Variants in MKI67 observed in about 807,000 individuals in gnomAD.
MKI67 encodes the protein marker of proliferation Ki-67.
Under a neutral mutation model 233.5 loss-of-function variants are expected in MKI67, and 152 were observed. The ratio of observed to expected loss-of-function variants is 0.65; its 90% CI spans 0.57 to 0.74. The LOEUF is 0.74. Ranked by LOEUF, MKI67 falls within the 30% of genes least tolerant of loss-of-function variation. The pLI, the probability that MKI67 is intolerant of heterozygous loss-of-function variation, is 0.00. For missense variants in MKI67, 3,940 were observed against 3,885.2 expected, an observed-to-expected ratio of 1.01 and a Z score of -0.37; for synonymous variants, 1,465 against 1,418.5, an observed-to-expected ratio of 1.03 and a Z score of -0.74.
Position 128,103,652 on chromosome 10 carries a change from T to C in MKI67, c.8188A>G (p.Lys2730Glu). 6.2e-7 allele frequency: 1 copy of C among 1,614,190 alleles called. No individual in the cohort carries two copies. Among genetic ancestry groups the C allele is most frequent in the Non-Finnish European group, 8.5e-7 (1 of 1,180,028 alleles). The change falls in exon 13 of 15, where the codon AAG (lysine) becomes GAG (glutamate). Residue 2730 changes from lysine (K) to glutamate (E), a missense_variant. Lys to Glu is a moderately conservative substitution (Grantham distance 56, BLOSUM62 1). Transcript: ENST00000368654. ...GAAGGCTCTTCTTTTACTTGTACCT[T>C]CTGCACACGTGTCCTGAGATGCCTC... is the stretch of plus-strand genomic sequence containing the variant. Reference protein sequence around the residue: ...TKRHLRTRVQKVQVKEEPSAV... With the variant: ...TKRHLRTRVQEVQVKEEPSAV...
Position 128,108,980 on chromosome 10 carries a change from A to C in MKI67, c.2860T>G (p.Trp954Gly). The C allele has an allele frequency of 6.2e-7, 1 of 1,614,126 alleles. No homozygotes were observed. The highest frequency in any genetic ancestry group is 8.5e-7 in the Non-Finnish European group (1 of 1,180,032). The change falls in exon 13 of 15, where the codon TGG (tryptophan) becomes GGG (glycine). Residue 954 changes from tryptophan (W) to glycine (G), a missense_variant. Coordinates refer to ENST00000368654, the MANE Select transcript of MKI67 (RefSeq NM_002417.5). ...KMKAMKRSRT[W>G]GQKCAPMSDL... is the part of the protein sequence containing the mutation. ...GACATTGGTGCACATTTCTGCCCCC[A>C]AGTTCTTGATCTCTTCATTGCTTTC...
Position 128,115,758 on chromosome 10 carries a change from T to C in MKI67, c.650A>G (p.Glu217Gly), listed in dbSNP as rs759658537. 1 of 1,613,432 alleles carries C rather than the reference T, an allele frequency of 6.2e-7. No homozygotes were observed. The highest frequency in any genetic ancestry group is 1.1e-5 in the South Asian group (1 of 91,086). Residue 217 changes from glutamate (E) to glycine (G), a missense_variant, in exon 7 of 15, where the codon GAA becomes GGA. By Grantham distance (98) the Glu-to-Gly change is moderately conservative. Coordinates refer to ENST00000368654, the MANE Select transcript of MKI67 (RefSeq NM_002417.5). ...TTGTGTAGTGGGAACAGACTTCAAT[T>C]CTCCATAACGGCTCACTAATTTAAC... ...SSVKLVSRYGELKSVPTTQCL... is the reference protein window; with the variant it reads ...SSVKLVSRYGGLKSVPTTQCL...
At chr10:128,116,105 A>G in intron 6 of MKI67, 98 bp from the exon 7 acceptor site, 1 of 1,396,844 alleles carries the variant, frequency 7.2e-7, no homozygotes, top group Non-Finnish European at 9.6e-7. Context: ...AGGTTGTCTT[A>G]TAAGCTAGCT....
chr10:128,104,220 A>C lies in MKI67; in HGVS notation c.7620T>G (p.Thr2540=). The change falls in exon 13 of 15, where the codon ACT becomes ACG. Residue 2540 remains threonine, a synonymous_variant. Coordinates refer to ENST00000368654, the MANE Select transcript of MKI67 (RefSeq NM_002417.5). The part of the protein sequence containing the change: ...KQILDPAASV[T]GSRRQLRTRK... ...GAGTTCTCAGCTGCCTCCTGCTACCAGTTACACTTGCTGCTGGGTCCAGGA... is the reference window on the plus strand; with the variant it reads ...GAGTTCTCAGCTGCCTCCTGCTACCCGTTACACTTGCTGCTGGGTCCAGGA... 1 of 1,613,998 alleles carries C rather than the reference A, an allele frequency of 6.2e-7. No individual in the cohort carries two copies. Among genetic ancestry groups the C allele is most frequent in the Non-Finnish European group, 8.5e-7 (1 of 1,180,006 alleles).
At position 128,115,291 on chromosome 10, in the gene MKI67, C is replaced by G; in HGVS notation, c.1117G>C (p.Glu373Gln). The change falls in exon 7 of 15, where the codon GAA (glutamate) becomes CAA (glutamine). Residue 373 changes from glutamate to glutamine, a missense_variant. Physicochemically the swap from Glu to Gln is conservative, Grantham distance 29. Transcript: ENST00000368654. ...TCACTTTTACCCAGATTCACAGATT[C>G]TCTTCTACCAGTAGTATACAGGTCT... The part of the protein sequence containing the change: ...NKDLYTTGRR[E>Q]SVNLGKSEGF... The G allele has an allele frequency of 6.2e-7, 1 of 1,614,022 alleles. No homozygotes were observed. Among genetic ancestry groups the G allele is most frequent in the East Asian group, 2.2e-5 (1 of 44,892 alleles).
Position 128,109,181 on chromosome 10 carries a change from G to C in MKI67, c.2659C>G (p.Leu887Val). The change falls in exon 13 of 15, where the codon CTA (leucine) becomes GTA (valine). Residue 887 changes from leucine (L) to valine (V), a missense_variant. Coordinates refer to ENST00000368654, the MANE Select transcript of MKI67 (RefSeq NM_002417.5). The stretch of plus-strand genomic sequence containing the variant: ...TCTTCACTCTTACTTTCCACAGGTA[G>C]CTTCTGTATATTCCTGAACTCTGTA... ...RSTEFRNIQK[L>V]PVESKSEETN... 1 of 1,614,134 alleles carries C rather than the reference G, an allele frequency of 6.2e-7. No individual in the cohort carries two copies. Among genetic ancestry groups the C allele is most frequent in the Non-Finnish European group, 8.5e-7 (1 of 1,180,032 alleles).
Position 128,097,171 on chromosome 10 carries a change from T to C in MKI67, c.*2019A>G, listed in dbSNP as rs1267852651. The C allele has an allele frequency of 6.6e-6, 1 of 152,296 alleles. No homozygotes were observed. Among genetic ancestry groups the C allele is most frequent in the East Asian group, 1.9e-4 (1 of 5,170 alleles). 9.4% of individuals were successfully genotyped at this position (152,296 alleles called of 1,614,324 possible). A position where few individuals can be genotyped will look rare whatever the true frequency, so the allele number is the denominator to read the frequency against. Reference sequence around the variant, plus strand: ...AATGTCCTATTACATGGAAATTCACTTGGAAACTGAAGCTCAGAGAAGTTA... The same window carrying C: ...AATGTCCTATTACATGGAAATTCACCTGGAAACTGAAGCTCAGAGAAGTTA... On this transcript the variant is annotated 3_prime_UTR_variant, in exon 15 of 15. Transcript: ENST00000368654.
chr10:128,123,068 A>C (rs1238311656), intron 3 of MKI67, 23 bp downstream of exon 3: 2 of 1,604,686 alleles, frequency 1.2e-6, no homozygotes, highest in Non-Finnish European at 1.7e-6. Flanking sequence ...CTTTAAAAGT[A>C]GATCTTCAAA....
intron 11 of MKI67, among the ~76,000 whole-genome samples, chr10:128,111,195 G>A (rs893007793): frequency 2.0e-5 from 3 of 152,284 alleles, no homozygotes; most frequent in South Asian, 2.1e-4. Flanking sequence ...TTCAACAATC[G>A]TTTATGGGAA....
rs374849384 is a variant in MKI67 at position 128,104,346 on chromosome 10, G to A, written c.7494C>T (p.Val2498=). Residue 2498 remains valine, a synonymous_variant, in exon 13 of 15, where the codon GTC becomes GTT. Coordinates refer to ENST00000368654, the MANE Select transcript of MKI67 (RefSeq NM_002417.5). ...KVDMKEEPLA[V]SKLTRTSGET... is the part of the protein sequence containing the mutation. Reference sequence around the variant, plus strand: ...CCCCTGATGTCCGTGTGAGCTTGCTGACTGCTAGGGGCTCTTCTTTCATGT... The same window carrying A: ...CCCCTGATGTCCGTGTGAGCTTGCTAACTGCTAGGGGCTCTTCTTTCATGT... 38 of 1,614,078 alleles carry A rather than the reference G, an allele frequency of 2.4e-5. No individual in the cohort carries two copies. In the Middle Eastern group the frequency reaches 4.9e-4, roughly 21 times the overall value.
rs775605474 is a variant in MKI67 at position 128,112,191 on chromosome 10, A to G, written c.1911T>C (p.Asp637=). 1.2e-6 allele frequency: 2 copies of G among 1,614,208 alleles called. No homozygotes were observed. Among genetic ancestry groups the G allele is most frequent in the East Asian group, 4.5e-5 (2 of 44,888 alleles). ...TTTTGGAACATATCATCTGTAAAAT[A>G]TCATGTTGACTTCGGCTGATAGACA... ...KRVSISRSQH[D]ILQMICSKRR... Residue 637 remains aspartate (D), a synonymous_variant, in exon 9 of 15, where the codon GAT becomes GAC. Coordinates refer to ENST00000368654, the MANE Select transcript of MKI67 (RefSeq NM_002417.5).
intron 12 of MKI67, among the ~76,000 whole-genome samples, chr10:128,109,699 G>T (rs180737277): frequency 6.6e-6 from 1 of 152,260 alleles, no homozygotes; most frequent in Admixed American, 6.5e-5. Context: ...TCCTCCAAAG[G>T]TTGCCATGCC....
chr10:128,102,546 G>A lies in MKI67; in HGVS notation c.9261+33C>T, dbSNP rs373560649. 36 of 1,599,146 alleles carry A rather than the reference G, an allele frequency of 2.3e-5. No homozygotes were observed. The African/African-American group carries it at 4.6e-4, about 20-fold the overall frequency. On this transcript the variant is annotated intron_variant, in intron 13 of 14. Coordinates refer to ENST00000368654, the MANE Select transcript of MKI67 (RefSeq NM_002417.5). ...ACAGAAATTCACAACTATCCAAGAC[G>A]ATATTGAGTGATGCTGTAATACTTC...
rs1452302985 is a variant in MKI67 at position 128,113,591 on chromosome 10, C to T, written c.1492G>A (p.Gly498Arg). 6.8e-6 allele frequency: 11 copies of T among 1,613,798 alleles called. No individual in the cohort carries two copies. The highest frequency in any genetic ancestry group is 2.7e-5 in the African/African-American group (2 of 74,908). Reference sequence around the variant, plus strand: ...ACACGCCTTCTTTTCAAAGGTATTCCCTCACTCTCATCTAAAGTAACGGAT... The same window carrying T: ...ACACGCCTTCTTTTCAAAGGTATTCTCTCACTCTCATCTAAAGTAACGGAT... ...NFGDSINESEGIPLKRRRVSF... is the reference protein window; with the variant it reads ...NFGDSINESERIPLKRRRVSF... Residue 498 changes from glycine (G) to arginine (R), a missense_variant, in exon 8 of 15, where the codon GGA becomes AGA. By Grantham distance (125) the Gly-to-Arg change is moderately radical. Coordinates refer to ENST00000368654, the MANE Select transcript of MKI67 (RefSeq NM_002417.5).
chr10:128,102,502 G>A (rs1852355458), intron 13 of MKI67, 77 bp downstream of exon 13: 1 of 1,526,360 alleles, frequency 6.6e-7, no homozygotes, highest in Non-Finnish European at 8.9e-7. Flanking sequence ...ATAACGTCAG[G>A]TTACATGCAA....
chr10:128,111,168 T>C (rs968617832), intron 11 of MKI67, among the ~76,000 whole-genome samples: 1 of 152,186 alleles, frequency 6.6e-6, no homozygotes, highest in Admixed American at 6.5e-5. Flanking sequence ...AGAGTGGGAA[T>C]TGAATGGAAA....
rs1272262621 is a variant in MKI67, at chr10:128,098,575, CT to C, written c.*614del. ...GAGTCACTCCTTACAGAAAGTCACTCTTGGTCCCTAAAGATGTGCTCACGAG... is the reference window on the plus strand; with the variant it reads ...GAGTCACTCCTTACAGAAAGTCACTCTGGTCCCTAAAGATGTGCTCACGAG... On this transcript the variant is annotated 3_prime_UTR_variant, in exon 15 of 15. Coordinates refer to ENST00000368654, the MANE Select transcript of MKI67 (RefSeq NM_002417.5). 6.6e-6 allele frequency: 1 copy of C among 152,210 alleles called. No homozygotes were observed. The highest frequency in any genetic ancestry group is 2.4e-5 in the African/African-American group (1 of 41,440). 9.4% of individuals were successfully genotyped at this position (152,210 alleles called of 1,614,324 possible).
intron 9 of MKI67, 31 bp downstream of exon 9, chr10:128,112,102 C>A (rs768360977): frequency 1.2e-6 from 2 of 1,609,342 alleles, no homozygotes; most frequent in South Asian, 2.2e-5. Flanking sequence ...AAAAATTCAC[C>A]TTAATATATG....
rs139580384 is a variant in MKI67, at chr10:128,105,760, T to C, written c.6080A>G (p.Gln2027Arg). The change falls in exon 13 of 15, where the codon CAG (glutamine) becomes CGG (arginine). Residue 2027 changes from glutamine (Q) to arginine (R), a missense_variant. Coordinates refer to ENST00000368654, the MANE Select transcript of MKI67 (RefSeq NM_002417.5). ...ATCTCCTGCTGTCTCTCTGTGTGTC[T>C]GTGTGGTCTTCCCTGACGTCTGTGT... ...KLTQTSGKTT[Q>R]THRETAGDGK... 1 of 1,614,162 alleles carries C rather than the reference T, an allele frequency of 6.2e-7. No homozygotes were observed.
Sources: gnomAD v4.1 joint callset for allele counts (sites outside exome capture counted in the v4.1 genomes callset) on GRCh38, gnomAD v4.1.1 for gene constraint, MANE v1.5 for transcripts, NCBI Gene and HGNC (gene_info 2026-07-23, HGNC 2026-07-21) for gene names.